The following SPTSSB variants were observed in gnomAD, a reference collection of about 807,000 sequenced individuals.
SPTSSB encodes the protein androgen down regulated in mouse prostate.
SPTSSB carries 6 observed loss-of-function variants against 7.7 expected under a neutral mutation model. The observed-to-expected ratio is 0.78, with a 90% CI of 0.43 to 1.54. The LOEUF is 1.54. Ranked by LOEUF, SPTSSB falls within the 40% of genes most tolerant of loss-of-function variation. SPTSSB has a pLI of 0.01. For missense variants in SPTSSB, 91 were observed against 93.0 expected (o/e 0.98, Z 0.09); for synonymous variants, 28 against 29.7 (o/e 0.94, Z 0.19).
rs759887360 is a variant in SPTSSB, at chr3:161,346,329, G to C, written c.-6C>G. On this transcript the variant is annotated 5_prime_UTR_variant, in exon 3 of 3. Coordinates refer to ENST00000620149, the MANE Select transcript of SPTSSB (RefSeq NM_001040100.2). ...TTCACACGCCTCAAATCCATGGTTG[G>C]CTCCTTCAAGCTGCAGTAAGTTTGT... The C allele has an allele frequency of 3.8e-6, 6 of 1,576,976 alleles. No individual in the cohort carries two copies. In the Admixed American group the frequency reaches 8.3e-5, roughly 22 times the overall value.
intron 2 of SPTSSB, among the ~76,000 whole-genome samples, chr3:161,354,246 TCTCA>T (rs1714672018): frequency 6.6e-6 from 1 of 152,198 alleles, no homozygotes; most frequent in Non-Finnish European, 1.5e-5. Context: ...AAGGAAAAAG[TCTCA>T]CTAACAGTTC....
chr3:161,356,837 A>G (rs943928218), intron 2 of SPTSSB, among the ~76,000 whole-genome samples: 1 of 151,948 alleles, frequency 6.6e-6, no homozygotes, highest in Non-Finnish European at 1.5e-5. Context: ...GCTTTTACAG[A>G]AAAGAGTGGA....
intron 1 of SPTSSB, among the ~76,000 whole-genome samples, chr3:161,369,291 TTTC>T (rs1315175989): frequency 4.1e-5 from 3 of 73,688 alleles, no homozygotes; most frequent in African/African-American, 9.5e-5. Context: ...CTTTCTTTTC[TTTC>T]TTTCTTTCTT....
rs557180461 is a variant in SPTSSB, at chr3:161,359,705, T to C, written c.-33+97A>G. Reference sequence around the variant, plus strand: ...TGTATAATAAATGTTTGCTGGCTGCTTAGGAGAGAACTAGATGTGTTAATG... The same window carrying C: ...TGTATAATAAATGTTTGCTGGCTGCCTAGGAGAGAACTAGATGTGTTAATG... On this transcript the variant is annotated intron_variant, in intron 2 of 2. Coordinates refer to ENST00000620149, the MANE Select transcript of SPTSSB (RefSeq NM_001040100.2). The C allele has an allele frequency of 9.1e-6, 9 of 984,394 alleles. No individual in the cohort carries two copies. In the South Asian group the frequency reaches 4.2e-4, roughly 46 times the overall value. 61.0% of individuals were successfully genotyped at this position (984,394 alleles called of 1,614,324 possible).
intron 2 of SPTSSB, among the ~76,000 whole-genome samples, chr3:161,357,796 T>C (rs1231165093): frequency 6.6e-6 from 1 of 151,882 alleles, no homozygotes; most frequent in African/African-American, 2.4e-5. Flanking sequence ...AAAAAATGCC[T>C]GAAGCCACCA....
intron 1 of SPTSSB, among the ~76,000 whole-genome samples, chr3:161,369,383 T>A (rs1715403235): frequency 1.0e-5 from 1 of 98,358 alleles, no homozygotes. Context: ...TCTCTTTCTT[T>A]CCTTTTTTTT....
chr3:161,356,263 A>G (rs537475136), intron 2 of SPTSSB, among the ~76,000 whole-genome samples: 1 of 152,374 alleles, frequency 6.6e-6, no homozygotes, highest in East Asian at 1.9e-4. Context: ...TAACTGCCTT[A>G]GGAAAGACTT....
At chr3:161,347,665 AGTTT>A (rs1231832882) in intron 2 of SPTSSB, among the ~76,000 whole-genome samples, 1 of 151,154 alleles carries the variant, frequency 6.6e-6, no homozygotes, top group South Asian at 2.1e-4. Context: ...TGGGGCCTGG[AGTTT>A]GAGACCCGCC....
In SPTSSB at chr3:161,345,888, G is replaced by T; in HGVS notation, c.*205C>A. On this transcript the variant is annotated 3_prime_UTR_variant, in exon 3 of 3. Transcript: ENST00000620149. ...GAGGTAAAGTCACTGTATTATCTCC[G>T]GTCTAAAGCACAATGTAGCATGTGC... is the stretch of plus-strand genomic sequence containing the variant. 2.2e-6 allele frequency: 1 copy of T among 445,482 alleles called. No homozygotes were observed. The highest frequency in any genetic ancestry group is 3.8e-5 in the Admixed American group (1 of 26,350). The allele number at this position is 445,482 out of a possible 1,614,324, so 27.6% of individuals were successfully genotyped here. A position where few individuals can be genotyped will look rare whatever the true frequency, so the allele number is the denominator to read the frequency against.
Position 161,345,965 on chromosome 3 carries a change from A to G in SPTSSB, c.*128T>C, listed in dbSNP as rs1553802053. The G allele has an allele frequency of 4.9e-6, 3 of 616,420 alleles. No individual in the cohort carries two copies. Among genetic ancestry groups the G allele is most frequent in the Admixed American group, 2.7e-5 (1 of 37,574 alleles). The allele number at this position is 616,420 out of a possible 1,614,324, so 38.2% of individuals were successfully genotyped here. A position where few individuals can be genotyped will look rare whatever the true frequency, so the allele number is the denominator to read the frequency against. On this transcript the variant is annotated 3_prime_UTR_variant, in exon 3 of 3. Transcript: ENST00000620149. ...CAAACTCCAGGCAGAAAGGCAGAAT[A>G]TAAGAGTGCATAGAGAAGAGAGTGC...
chr3:161,346,748 T>C (rs1433898264), intron 2 of SPTSSB, among the ~76,000 whole-genome samples: 1 of 152,024 alleles, frequency 6.6e-6, no homozygotes, highest in African/African-American at 2.4e-5. Context: ...TGAGATAAGG[T>C]CCAAGGGATC....
chr3:161,355,096 G>T (rs552962667), intron 2 of SPTSSB, among the ~76,000 whole-genome samples: 91 of 152,306 alleles, frequency 6.0e-4, no homozygotes, highest in Non-Finnish European at 1.1e-3. Context: ...AACAGGGTAA[G>T]TATCCCTGCT....
intron 2 of SPTSSB, among the ~76,000 whole-genome samples, chr3:161,352,513 C>G (rs1714588266): frequency 6.6e-6 from 1 of 152,178 alleles, no homozygotes; most frequent in African/African-American, 2.4e-5. Flanking sequence ...GTCTGTTTCC[C>G]CACAAGACTA....
intron 1 of SPTSSB, among the ~76,000 whole-genome samples, chr3:161,368,438 T>G (rs2108170195): frequency 6.6e-6 from 1 of 151,918 alleles, no homozygotes; most frequent in East Asian, 1.9e-4. Context: ...TCTTTTTTTT[T>G]TTTTTTGAGA....
intron 1 of SPTSSB, among the ~76,000 whole-genome samples, chr3:161,370,949 A>T (rs1488274925): frequency 3.3e-5 from 5 of 152,252 alleles, no homozygotes; most frequent in African/African-American, 1.2e-4. Flanking sequence ...AATACTTACA[A>T]GAGAATGTTA....
intron 1 of SPTSSB, among the ~76,000 whole-genome samples, chr3:161,370,808 A>G (rs993300542): frequency 1.3e-5 from 2 of 152,154 alleles, no homozygotes; most frequent in Non-Finnish European, 2.9e-5. Context: ...TACTCTAAAC[A>G]TTTCCCCACC....
intron 2 of SPTSSB, among the ~76,000 whole-genome samples, chr3:161,357,248 G>A (rs147289679): frequency 2.0e-5 from 3 of 152,198 alleles, no homozygotes; most frequent in Admixed American, 6.5e-5. Flanking sequence ...CACATAAATC[G>A]CTTAGATTTT....
chr3:161,348,489 T>C (rs1048332548), intron 2 of SPTSSB, among the ~76,000 whole-genome samples: 2 of 152,152 alleles, frequency 1.3e-5, no homozygotes, highest in Non-Finnish European at 2.9e-5. Flanking sequence ...AGATAATTAA[T>C]GTCTATTGTT....
chr3:161,351,589 TACAC>T (rs1714538493), intron 2 of SPTSSB, among the ~76,000 whole-genome samples: 1 of 151,810 alleles, frequency 6.6e-6, no homozygotes, highest in Non-Finnish European at 1.5e-5. Flanking sequence ...CACTCACACA[TACAC>T]ACACAGAGAG....
Sources: gnomAD v4.1 joint callset for allele counts (sites outside exome capture counted in the v4.1 genomes callset) on GRCh38, gnomAD v4.1.1 for gene constraint, MANE v1.5 for transcripts, NCBI Gene and HGNC (gene_info 2026-07-23, HGNC 2026-07-21) for gene names.